The following AFG2A variants were observed in gnomAD, a reference collection of about 807,000 sequenced individuals.
AFG2A encodes the protein AAA ATPase AFG2A, also known as ATPase family gene 2 protein homolog A.
the AFG2A span, among the ~76,000 whole-genome samples, chr4:123,131,247 A>G: frequency 1.3e-5 from 2 of 152,112 alleles, no homozygotes; most frequent in Non-Finnish European, 2.9e-5. Context: ...AAGAAGTACA[A>G]TTTCCTTTTT....
the AFG2A span, among the ~76,000 whole-genome samples, chr4:123,043,925 C>CT: frequency 6.6e-6 from 1 of 152,164 alleles, no homozygotes; most frequent in Non-Finnish European, 1.5e-5. Flanking sequence ...AGTCAACAGG[C>CT]AAAATATCTT....
At chr4:123,303,790 T>C in the AFG2A span, among the ~76,000 whole-genome samples, 4 of 151,596 alleles carry the variant, frequency 2.6e-5, no homozygotes, top group South Asian at 4.2e-4. Context: ...AAAACAACTT[T>C]GAATCAGCAA....
the AFG2A span, among the ~76,000 whole-genome samples, chr4:123,049,730 G>T: frequency 6.6e-6 from 1 of 151,688 alleles, no homozygotes. Flanking sequence ...TTTTTAGGTA[G>T]TCTAGCCAAA....
At chr4:122,939,607 G>A in the AFG2A span, among the ~76,000 whole-genome samples, 1 of 151,568 alleles carries the variant, frequency 6.6e-6, no homozygotes, top group African/African-American at 2.4e-5. Context: ...AGCCTCTTTT[G>A]CACATTAAAA....
the AFG2A span, among the ~76,000 whole-genome samples, chr4:122,978,065 C>T: frequency 1.3e-5 from 2 of 151,864 alleles, no homozygotes; most frequent in Admixed American, 6.6e-5. Flanking sequence ...ATGTCCAGCT[C>T]TCAGTGGAGA....
chr4:123,211,376 G>C, the AFG2A span, among the ~76,000 whole-genome samples: 1 of 152,090 alleles, frequency 6.6e-6, no homozygotes, highest in Non-Finnish European at 1.5e-5. Flanking sequence ...AGTTTTATTG[G>C]TGAGGTAGAA....
chr4:123,100,134 A>G, the AFG2A span, among the ~76,000 whole-genome samples: 1 of 151,798 alleles, frequency 6.6e-6, no homozygotes, highest in African/African-American at 2.4e-5. Flanking sequence ...ATACACTGAC[A>G]CCTGTTGTAA....
the AFG2A span, among the ~76,000 whole-genome samples, chr4:122,946,014 A>G: frequency 1.3e-5 from 2 of 152,196 alleles, no homozygotes; most frequent in Non-Finnish European, 2.9e-5. Context: ...CTCAGGTTAT[A>G]AAGTTGAAGA....
At chr4:123,120,717 G>A in the AFG2A span, among the ~76,000 whole-genome samples, 17,519 of 152,072 alleles carry the variant, frequency 0.12, 1,118 homozygotes, top group Middle Eastern at 0.2. Context: ...GTAGCATAGT[G>A]CATTACTCTT....
chr4:123,102,798 C>CTGTGTGTGTGTG, the AFG2A span, among the ~76,000 whole-genome samples: 2,336 of 141,162 alleles, frequency 0.017, 38 homozygotes, highest in African/African-American at 0.042. Flanking sequence ...TCCTGGCATT[C>CTGTGTGTGTGTG]TGTGTGTGTG....
the AFG2A span, among the ~76,000 whole-genome samples, chr4:122,958,691 A>G: frequency 1.3e-5 from 2 of 152,192 alleles, no homozygotes; most frequent in Non-Finnish European, 2.9e-5. Flanking sequence ...TTCCCAGGTG[A>G]TGCTAATGCT....
the AFG2A span, among the ~76,000 whole-genome samples, chr4:123,089,584 C>CTT: frequency 6.7e-6 from 1 of 148,738 alleles, no homozygotes; most frequent in Non-Finnish European, 1.5e-5. Flanking sequence ...GAGTTTACTT[C>CTT]TTTTTTTTTT....
the AFG2A span, among the ~76,000 whole-genome samples, chr4:123,139,121 T>G: frequency 2.8e-4 from 43 of 152,126 alleles, no homozygotes; most frequent in African/African-American, 9.9e-4. Flanking sequence ...ATAAAACAGA[T>G]GTAAATATTA....
chr4:122,940,985 T>C, the AFG2A span, among the ~76,000 whole-genome samples: 1 of 151,842 alleles, frequency 6.6e-6, no homozygotes, highest in Admixed American at 6.5e-5. Flanking sequence ...TCTGTTCCAT[T>C]GATCTATATC....
At chr4:123,104,345 G>T in the AFG2A span, among the ~76,000 whole-genome samples, 1 of 152,036 alleles carries the variant, frequency 6.6e-6, no homozygotes, top group Admixed American at 6.6e-5. Context: ...TTTGTGTTCT[G>T]GTTGCTCCAA....
At chr4:122,984,880 T>A in the AFG2A span, among the ~76,000 whole-genome samples, 138,151 of 152,194 alleles carry the variant, frequency 0.91, 62,927 homozygotes, top group East Asian at 0.96. Context: ...GGATTTTAGC[T>A]TCAGTGTTCA....
At chr4:123,074,132 T>G in the AFG2A span, among the ~76,000 whole-genome samples, 2 of 139,246 alleles carry the variant, frequency 1.4e-5, no homozygotes, top group Non-Finnish European at 3.1e-5. Flanking sequence ...CTCGCTCTGT[T>G]GCCCAGGCTG....
At chr4:123,296,584 G>A in the AFG2A span, among the ~76,000 whole-genome samples, 4 of 152,150 alleles carry the variant, frequency 2.6e-5, no homozygotes, top group Non-Finnish European at 5.9e-5. Flanking sequence ...GTTAAATATT[G>A]TGATTCTGAG....
At chr4:123,102,442 A>G in the AFG2A span, 1 of 151,892 alleles carries the variant, frequency 6.6e-6, no homozygotes. Context: ...GTTGAGCAGC[A>G]TATTTTCTTT....
Sources: gnomAD v4.1 joint callset for allele counts (sites outside exome capture counted in the v4.1 genomes callset) on GRCh38, gnomAD v4.1.1 for gene constraint, MANE v1.5 for transcripts, NCBI Gene and HGNC (gene_info 2026-07-23, HGNC 2026-07-21) for gene names.